DLGAP1: variants seen among roughly 807,000 people sequenced by gnomAD.
DLGAP1 encodes DLG associated protein 1, also known as disks large-associated protein 1.
Under a neutral mutation model 90.8 loss-of-function variants are expected in DLGAP1, and 11 were observed. The ratio of observed to expected loss-of-function variants is 0.12; its 90% CI spans 0.08 to 0.20. DLGAP1 has a LOEUF of 0.20. Ranked by LOEUF, DLGAP1 falls within the 10% of genes least tolerant of loss-of-function variation. The pLI, the probability that DLGAP1 is intolerant of heterozygous loss-of-function variation, is 1.00. For synonymous variants in DLGAP1, 558 were observed against 540.7 expected, an observed-to-expected ratio of 1.03 and a Z score of -0.44; for missense variants, 1,050 against 1,333.8, an observed-to-expected ratio of 0.79 and a Z score of 3.31.
At chr18:4,317,880 T>G (rs1295510552) in intron 1 of DLGAP1, among the ~76,000 whole-genome samples, 1 of 152,228 alleles carries the variant, frequency 6.6e-6, no homozygotes, top group Non-Finnish European at 1.5e-5. Flanking sequence ...AGAATCTCAC[T>G]CTGTCGGCCA....
At chr18:4,229,172 A>AG (rs1364734442) in intron 1 of DLGAP1, among the ~76,000 whole-genome samples, 33 of 152,166 alleles carry the variant, frequency 2.2e-4, no homozygotes, top group Admixed American at 2.1e-3. Context: ...CATTGATGAA[A>AG]GAAATTAGAG....
chr18:3,738,501 C>G (rs2062755799), intron 6 of DLGAP1, among the ~76,000 whole-genome samples: 1 of 149,126 alleles, frequency 6.7e-6, no homozygotes, highest in Non-Finnish European at 1.5e-5. Flanking sequence ...CTTTGACAAA[C>G]CTGAGAAAAA....
At chr18:4,191,229 A>T (rs1336997237) in intron 1 of DLGAP1, among the ~76,000 whole-genome samples, 1 of 152,150 alleles carries the variant, frequency 6.6e-6, no homozygotes, top group East Asian at 1.9e-4. Context: ...GTTTCTACAC[A>T]TTTCACAACT....
At chr18:4,146,614 G>C (rs959715222) in intron 2 of DLGAP1, among the ~76,000 whole-genome samples, 1 of 152,070 alleles carries the variant, frequency 6.6e-6, no homozygotes, top group African/African-American at 2.4e-5. Context: ...TAACAAAGTT[G>C]GGGCTAGGAC....
intron 1 of DLGAP1, among the ~76,000 whole-genome samples, chr18:4,176,633 G>T (rs6506187): frequency 0.42 from 63,149 of 151,920 alleles, 13,768 homozygotes; most frequent in East Asian, 0.69. Context: ...TGCCCTGTTT[G>T]TAGCCTACAG....
chr18:4,148,171 G>A (rs1055462329), intron 2 of DLGAP1, among the ~76,000 whole-genome samples: 3 of 152,020 alleles, frequency 2.0e-5, no homozygotes, highest in Admixed American at 2.0e-4. Flanking sequence ...ACAAAATAAA[G>A]CGGGCTAGAT....
intron 1 of DLGAP1, among the ~76,000 whole-genome samples, chr18:4,375,717 G>T (rs2082001002): frequency 6.6e-6 from 1 of 152,104 alleles, no homozygotes; most frequent in Non-Finnish European, 1.5e-5. Flanking sequence ...CTATGGCAGG[G>T]CTCAAGATGT....
chr18:3,499,455 T>A lies in DLGAP1; in HGVS notation c.2725-61A>T. ...TTCTCAGGACAAGCTTGGGAAAAAC[T>A]GGGATAGGTCAGTAGTTAGAACACA... On this transcript the variant is annotated intron_variant, in intron 12 of 12. Transcript: ENST00000315677. The surrounding 1 kb of genome is among the most constrained non-coding windows in gnomAD (Gnocchi z 6.4). 1 of 1,526,134 alleles carries A rather than the reference T, an allele frequency of 6.6e-7. No individual in the cohort carries two copies. Among genetic ancestry groups the A allele is most frequent in the Non-Finnish European group, 8.9e-7 (1 of 1,128,820 alleles). The allele number at this position is 1,526,134 out of a possible 1,614,324, so 94.5% of individuals were successfully genotyped here. A position where few individuals can be genotyped will look rare whatever the true frequency, so the allele number is the denominator to read the frequency against.
chr18:4,397,273 T>C (rs1476239857), intron 1 of DLGAP1, among the ~76,000 whole-genome samples: 2 of 152,246 alleles, frequency 1.3e-5, no homozygotes, highest in Non-Finnish European at 2.9e-5. Flanking sequence ...ACTATGTCAT[T>C]AGAAGGCTAT....
intron 2 of DLGAP1, among the ~76,000 whole-genome samples, chr18:4,100,094 ATAAT>A (rs1325176889): frequency 6.6e-6 from 1 of 152,218 alleles, no homozygotes; most frequent in Non-Finnish European, 1.5e-5. Flanking sequence ...AGCATCTAGA[ATAAT>A]TAATTATTTC....
chr18:3,617,616 A>T (rs2057923062), intron 7 of DLGAP1, among the ~76,000 whole-genome samples: 1 of 151,646 alleles, frequency 6.6e-6, no homozygotes, highest in Non-Finnish European at 1.5e-5. Flanking sequence ...AATTGTTGAA[A>T]ACTGCTGACA....
intron 2 of DLGAP1, among the ~76,000 whole-genome samples, chr18:4,063,110 TA>T (rs1167152069): frequency 6.6e-6 from 1 of 152,096 alleles, no homozygotes; most frequent in South Asian, 2.1e-4. Flanking sequence ...CTATACTTTA[TA>T]AAAAAGCTTG....
chr18:3,812,060 T>C (rs1255227320), intron 5 of DLGAP1, among the ~76,000 whole-genome samples: 1 of 152,202 alleles, frequency 6.6e-6, no homozygotes, highest in Non-Finnish European at 1.5e-5. Flanking sequence ...CCTAACGGGA[T>C]ACTTAGGAGG....
intron 7 of DLGAP1, among the ~76,000 whole-genome samples, chr18:3,703,596 G>A (rs1480901983): frequency 6.6e-6 from 1 of 152,032 alleles, no homozygotes; most frequent in Admixed American, 6.5e-5. Flanking sequence ...GAAGACGGAG[G>A]GATATTTGAA....
At chr18:4,034,733 A>T (rs1026226914) in intron 2 of DLGAP1, among the ~76,000 whole-genome samples, 3 of 152,172 alleles carry the variant, frequency 2.0e-5, no homozygotes, top group African/African-American at 7.2e-5. Context: ...TTGTGTACAG[A>T]CATGAGGTTT....
At chr18:4,446,231 G>C (rs2083664039) in intron 1 of DLGAP1, among the ~76,000 whole-genome samples, 1 of 152,132 alleles carries the variant, frequency 6.6e-6, no homozygotes, top group Non-Finnish European at 1.5e-5. Flanking sequence ...AGGCATACTC[G>C]GGTCTGGAGT....
At chr18:3,594,396 G>A (rs1599422038) in intron 7 of DLGAP1, 1 of 113,462 alleles carries the variant, frequency 8.8e-6, no homozygotes, top group Non-Finnish European at 1.6e-5. Flanking sequence ...ACAAAACATT[G>A]ACGCGGGCAG....
chr18:3,573,484 A>G (rs2054928939), intron 8 of DLGAP1, among the ~76,000 whole-genome samples: 1 of 152,170 alleles, frequency 6.6e-6, no homozygotes, highest in South Asian at 2.1e-4. Flanking sequence ...CCTGGGTGAC[A>G]AGAGCAAAAC....
intron 2 of DLGAP1, among the ~76,000 whole-genome samples, chr18:4,045,944 T>A (rs1456294926): frequency 1.6e-4 from 25 of 152,090 alleles, no homozygotes; most frequent in Admixed American, 1.6e-3. Context: ...CTGGCTCTTT[T>A]AAACTTCTTA....
Sources: gnomAD v4.1 joint callset for allele counts (sites outside exome capture counted in the v4.1 genomes callset) on GRCh38, gnomAD v4.1.1 for gene constraint, Gnocchi (gnomAD v3.1) non-coding constraint, MANE v1.5 for transcripts, NCBI Gene and HGNC (gene_info 2026-07-23, HGNC 2026-07-21) for gene names.